NRG3: variants seen among roughly 807,000 people sequenced by gnomAD.
NRG3 encodes neuregulin 3.
In NRG3, 31 loss-of-function variants were observed where a neutral mutation model predicts 66.9. The observed-to-expected ratio is 0.46, with a 90% CI of 0.35 to 0.63. The LOEUF (loss-of-function observed/expected upper bound fraction) is 0.63. Among genes scored for constraint, NRG3 ranks in the 20% least tolerant of loss-of-function variants. The pLI is 0.00. For synonymous variants in NRG3, 393 were observed against 359.4 expected (o/e 1.09, Z -1.06); for missense variants, 910 against 878.9 (o/e 1.04, Z -0.45).
chr10:82,111,398 A>G (rs1387516409), intron 1 of NRG3, among the ~76,000 whole-genome samples: 5 of 152,196 alleles, frequency 3.3e-5, no homozygotes, highest in Non-Finnish European at 4.4e-5. Flanking sequence ...TACATAATAA[A>G]TATTCTTAAT....
At chr10:82,542,337 G>A (rs994526613) in intron 2 of NRG3, among the ~76,000 whole-genome samples, 5 of 152,170 alleles carry the variant, frequency 3.3e-5, no homozygotes, top group South Asian at 2.1e-4. Context: ...AAAAAGAAAA[G>A]AAATGATCAA....
rs533681550 is a variant in NRG3 at position 82,596,363 on chromosome 10, T to A, written c.954-142214T>A. On this transcript the variant is annotated intron_variant, in intron 2 of 8. Transcript: ENST00000372141. ...ATTGGCAATTCGTTGCAGATAATAA[T>A]GAGAAGAAGGCAGAAGATTTTAATG... 6.6e-5 allele frequency among the ~76,000 whole-genome samples: 10 copies of A among 152,288 alleles called. No homozygotes were observed. The South Asian group carries it at 2.1e-3, about 32-fold the overall frequency.
At chr10:82,307,805 T>G (rs1348295064) in intron 1 of NRG3, among the ~76,000 whole-genome samples, 1 of 152,052 alleles carries the variant, frequency 6.6e-6, no homozygotes, top group Non-Finnish European at 1.5e-5. Context: ...TTATTTTCCC[T>G]GAATTTTGCC....
chr10:82,749,391 GT>G (rs2058770010), intron 3 of NRG3, among the ~76,000 whole-genome samples: 1 of 152,076 alleles, frequency 6.6e-6, no homozygotes, highest in East Asian at 1.9e-4. Flanking sequence ...GCTCAAGAAG[GT>G]GTAAAGCCCA....
intron 1 of NRG3, among the ~76,000 whole-genome samples, chr10:82,020,930 T>G (rs1383813773): frequency 6.6e-6 from 1 of 152,102 alleles, no homozygotes; most frequent in East Asian, 1.9e-4. Context: ...AAAGGTGTTT[T>G]CTGAAGGCAG....
intron 1 of NRG3, among the ~76,000 whole-genome samples, chr10:82,032,089 T>C (rs2062595127): frequency 6.6e-6 from 1 of 151,094 alleles, no homozygotes; most frequent in African/African-American, 2.4e-5. Context: ...TTATGGGGTA[T>C]TTTGACTTTT....
intron 2 of NRG3, among the ~76,000 whole-genome samples, chr10:82,517,441 T>C (rs948486779): frequency 6.6e-6 from 1 of 152,204 alleles, no homozygotes; most frequent in African/African-American, 2.4e-5. Context: ...GTCCAAAGGA[T>C]GTTGCCTTAC....
chr10:82,977,168 G>A (rs567493446), intron 7 of NRG3, among the ~76,000 whole-genome samples: 14 of 152,204 alleles, frequency 9.2e-5, no homozygotes, highest in Middle Eastern at 3.4e-3. Flanking sequence ...TTCAGGCCCC[G>A]CAGACCCCAT....
At chr10:82,908,990 C>CT (rs1591916693) in intron 4 of NRG3, among the ~76,000 whole-genome samples, 1 of 152,118 alleles carries the variant, frequency 6.6e-6, no homozygotes. Flanking sequence ...ACACCACGCC[C>CT]CAGATGACTG....
At chr10:82,335,446 C>T (rs950624410) in intron 1 of NRG3, among the ~76,000 whole-genome samples, 3 of 152,088 alleles carry the variant, frequency 2.0e-5, no homozygotes, top group Non-Finnish European at 4.4e-5. Flanking sequence ...GAACTCTCAG[C>T]CAAAATCATT....
At chr10:82,385,181 T>G (rs1016302792) in intron 2 of NRG3, among the ~76,000 whole-genome samples, 1 of 152,184 alleles carries the variant, frequency 6.6e-6, no homozygotes. Flanking sequence ...CTTGCTAATT[T>G]GTTAAGTTTT....
At chr10:82,538,239 A>C (rs2043295066) in intron 2 of NRG3, among the ~76,000 whole-genome samples, 1 of 152,190 alleles carries the variant, frequency 6.6e-6, no homozygotes. Flanking sequence ...CCCAGGCAGA[A>C]AGTGACTGAG....
chr10:82,126,524 A>G (rs1034012102), intron 1 of NRG3, among the ~76,000 whole-genome samples: 1 of 152,096 alleles, frequency 6.6e-6, no homozygotes, highest in Non-Finnish European at 1.5e-5. Context: ...CACAGATAGT[A>G]TGCAGAGATT....
chr10:82,099,235 T>TA (rs1232210910), intron 1 of NRG3, among the ~76,000 whole-genome samples: 1 of 152,216 alleles, frequency 6.6e-6, no homozygotes. Context: ...ATTTTACACT[T>TA]ACAACTATCA....
At chr10:82,822,322 G>A (rs1253562048) in intron 3 of NRG3, among the ~76,000 whole-genome samples, 1 of 152,062 alleles carries the variant, frequency 6.6e-6, no homozygotes, top group Non-Finnish European at 1.5e-5. Context: ...AGGTGTTGAT[G>A]CACATCTGAG....
intron 1 of NRG3, among the ~76,000 whole-genome samples, chr10:82,010,719 C>T (rs1474290368): frequency 6.6e-6 from 1 of 152,178 alleles, no homozygotes; most frequent in Non-Finnish European, 1.5e-5. Flanking sequence ...GTTTTGAGAG[C>T]CAGCACTACC....
At chr10:82,638,949 A>G (rs1376718715) in intron 2 of NRG3, among the ~76,000 whole-genome samples, 1 of 151,280 alleles carries the variant, frequency 6.6e-6, no homozygotes, top group East Asian at 1.9e-4. Context: ...CCGGCCACAT[A>G]TTTTTTTTTA....
chr10:81,956,038 C>T (rs1849800412), intron 1 of NRG3, among the ~76,000 whole-genome samples: 1 of 152,212 alleles, frequency 6.6e-6, no homozygotes, highest in Non-Finnish European at 1.5e-5. Context: ...CAAATGACCA[C>T]AGCAAAGATC....
Position 82,093,711 on chromosome 10 carries a change from T to C in NRG3, c.823+217548T>C, listed in dbSNP as rs141869739. 4.5e-4 allele frequency among the ~76,000 whole-genome samples: 68 copies of C among 152,288 alleles called. 3 individuals carry two copies. In the East Asian group the frequency reaches 0.012, roughly 26 times the overall value. ...GCCACCTCTTCACTGGAGAATCTTC[T>C]CTCTAAGCTTTAGGCTTTATATTTC... On this transcript the variant is annotated intron_variant, in intron 1 of 8. Transcript: ENST00000372141.
Sources: allele counts gnomAD v4.1 joint callset (sites outside exome capture counted in the v4.1 genomes callset), GRCh38; gene constraint gnomAD v4.1.1; transcripts MANE v1.5; gene names NCBI Gene and HGNC (gene_info 2026-07-23, HGNC 2026-07-21).